The following LCORL variants were observed in gnomAD, a reference collection of about 807,000 sequenced individuals.
LCORL encodes the protein ligand dependent nuclear receptor corepressor like.
A neutral mutation model predicts 141.8 loss-of-function variants in LCORL; 41 were observed. The observed-to-expected ratio is 0.29, with a 90% CI of 0.23 to 0.38. LCORL has a LOEUF of 0.38. LCORL is among the 10% of genes least tolerant of loss of function. The pLI, the probability that LCORL is intolerant of heterozygous loss-of-function variation, is 1.00. For synonymous variants in LCORL, 618 were observed against 694.1 expected, an observed-to-expected ratio of 0.89 and a Z score of 1.72; for missense variants, 1,759 against 2,035.0, an observed-to-expected ratio of 0.86 and a Z score of 2.61.
intron 7 of LCORL, among the ~76,000 whole-genome samples, chr4:17,863,375 A>T (rs1221479064): frequency 6.6e-6 from 1 of 152,234 alleles, no homozygotes; most frequent in Non-Finnish European, 1.5e-5. Context: ...GAAGACATTC[A>T]CACAGCATAT....
intron 4 of LCORL, among the ~76,000 whole-genome samples, chr4:17,940,132 A>AT (rs1450194866): frequency 7.0e-6 from 1 of 142,176 alleles, no homozygotes; most frequent in African/African-American, 2.5e-5. Flanking sequence ...ATATATGTAT[A>AT]TGTGTATATA....
At chr4:17,869,037 C>T (rs1433593387) in intron 7 of LCORL, among the ~76,000 whole-genome samples, 1 of 149,856 alleles carries the variant, frequency 6.7e-6, no homozygotes, top group African/African-American at 2.5e-5. Context: ...CATATTGTTC[C>T]CACTACCTTT....
chr4:17,959,057 T>C (rs1406839403), intron 4 of LCORL, among the ~76,000 whole-genome samples: 2 of 152,074 alleles, frequency 1.3e-5, no homozygotes, highest in African/African-American at 4.8e-5. Context: ...CTAAATACAA[T>C]GAATTGCTTG....
At chr4:17,853,295 G>C (rs927158860) in intron 7 of LCORL, among the ~76,000 whole-genome samples, 2 of 152,060 alleles carry the variant, frequency 1.3e-5, no homozygotes, top group African/African-American at 4.8e-5. Context: ...TAGTGGACAA[G>C]TGTATGGTTT....
At chr4:17,931,731 AT>A (rs1035944329) in intron 4 of LCORL, among the ~76,000 whole-genome samples, 1 of 152,086 alleles carries the variant, frequency 6.6e-6, no homozygotes, top group Admixed American at 6.6e-5. Flanking sequence ...ATATATAAAA[AT>A]TTTTTGTGAA....
chr4:18,021,315 A>C lies in LCORL; in HGVS notation c.154+283T>G, dbSNP rs888508945. On this transcript the variant is annotated intron_variant, in intron 1 of 7. Transcript: ENST00000635767. The surrounding 1 kb of genome is among the most constrained non-coding windows in gnomAD (Gnocchi z 5.5). ...GGGCGCCGAGGAGTTTCGGGGAGAG[A>C]GCGAGCGGGCGGCTTCCGCGGGGGC... is the stretch of plus-strand genomic sequence containing the variant. Among the ~76,000 whole-genome samples, 15 of 151,930 alleles carry C rather than the reference A, an allele frequency of 9.9e-5. 1 individual carries two copies. In the South Asian group the frequency reaches 1.9e-3, roughly 19 times the overall value.
At chr4:17,935,816 T>A (rs1176604347) in intron 4 of LCORL, among the ~76,000 whole-genome samples, 2 of 152,016 alleles carry the variant, frequency 1.3e-5, no homozygotes, top group Non-Finnish European at 2.9e-5. Flanking sequence ...ACTGACACAA[T>A]CAATAAATTT....
intron 4 of LCORL, among the ~76,000 whole-genome samples, chr4:17,945,795 T>C (rs1048695115): frequency 6.6e-6 from 1 of 151,900 alleles, no homozygotes; most frequent in Non-Finnish European, 1.5e-5. Flanking sequence ...TATTTATGCT[T>C]TGACAACGTA....
At chr4:17,897,833 C>T (rs543937716) in intron 5 of LCORL, among the ~76,000 whole-genome samples, 1 of 152,274 alleles carries the variant, frequency 6.6e-6, no homozygotes, top group South Asian at 2.1e-4. Context: ...TGTACATTTC[C>T]TAGTCCAAAC....
At chr4:17,920,665 C>CA (rs1471479469) in intron 4 of LCORL, among the ~76,000 whole-genome samples, 1 of 152,230 alleles carries the variant, frequency 6.6e-6, no homozygotes, top group Non-Finnish European at 1.5e-5. Flanking sequence ...CAAACCCTGC[C>CA]ACTCCTTTAT....
intron 7 of LCORL, among the ~76,000 whole-genome samples, chr4:17,847,005 A>G (rs1484569407): frequency 6.6e-6 from 1 of 152,210 alleles, no homozygotes; most frequent in East Asian, 1.9e-4. Flanking sequence ...AATTCAATAA[A>G]CATTTATAAA....
chr4:17,920,597 C>T (rs1734131096), intron 4 of LCORL, among the ~76,000 whole-genome samples: 1 of 152,172 alleles, frequency 6.6e-6, no homozygotes, highest in Non-Finnish European at 1.5e-5. Flanking sequence ...GCATGTGATG[C>T]TATTTGATGG....
chr4:17,988,765 A>C (rs1475613474), intron 1 of LCORL, among the ~76,000 whole-genome samples: 1 of 152,144 alleles, frequency 6.6e-6, no homozygotes, highest in Non-Finnish European at 1.5e-5. Flanking sequence ...CAGGTGGATC[A>C]CTTGAGGTCA....
intron 1 of LCORL, among the ~76,000 whole-genome samples, chr4:18,015,548 A>G (rs966525921): frequency 6.6e-6 from 1 of 152,202 alleles, no homozygotes; most frequent in Admixed American, 6.5e-5. Flanking sequence ...TCCAATGCAC[A>G]CTATTAGAAG....
exon 8 of LCORL, chr4:17,844,367 T>C (rs1232004051): frequency 6.6e-6 from 1 of 152,452 alleles, no homozygotes; most frequent in African/African-American, 2.4e-5. Context: ...AACATGGATC[T>C]GTTTGTTTTA....
intron 4 of LCORL, among the ~76,000 whole-genome samples, chr4:17,929,195 G>A (rs571225017): frequency 2.6e-5 from 4 of 152,226 alleles, no homozygotes; most frequent in East Asian, 3.9e-4. Context: ...TCTTAAGATG[G>A]TAATACTCCC....
intron 6 of LCORL, chr4:17,881,681 T>C (rs888064623): frequency 9.5e-6 from 9 of 948,422 alleles, no homozygotes; most frequent in Non-Finnish European, 1.1e-5. Flanking sequence ...TATAAACTTC[T>C]CAATCAATTT....
chr4:17,950,307 A>G (rs1197104193), intron 4 of LCORL, among the ~76,000 whole-genome samples: 1 of 152,198 alleles, frequency 6.6e-6, no homozygotes, highest in Non-Finnish European at 1.5e-5. Flanking sequence ...GGCACTTCTG[A>G]TAATAGAACA....
rs532606625 is a variant in LCORL at position 17,922,768 on chromosome 4, G to A, written c.431-13423C>T. 4.6e-5 allele frequency among the ~76,000 whole-genome samples: 7 copies of A among 152,190 alleles called. No individual in the cohort carries two copies. In the South Asian group the frequency reaches 1.5e-3, roughly 32 times the overall value. ...AATGGGGCCTTGCAAATTGGAATGG[G>A]GACTTGTGGGAGAAACCTGATGAGG... On this transcript the variant is annotated intron_variant, in intron 4 of 7. Transcript: ENST00000635767.
Sources: gnomAD v4.1 joint callset for allele counts (sites outside exome capture counted in the v4.1 genomes callset) on GRCh38, gnomAD v4.1.1 for gene constraint, Gnocchi (gnomAD v3.1) non-coding constraint, MANE v1.5 for transcripts, NCBI Gene and HGNC (gene_info 2026-07-23, HGNC 2026-07-21) for gene names.